ST3GAL1: variants seen among roughly 807,000 people sequenced by gnomAD.
The protein encoded by ST3GAL1 is ST3 beta-galactoside alpha-2,3-sialyltransferase 1.
In ST3GAL1, 16 loss-of-function variants were observed where a neutral mutation model predicts 34.1. The observed-to-expected ratio is 0.47, with a 90% CI of 0.32 to 0.71. The LOEUF is 0.71. ST3GAL1 is among the 30% of genes least tolerant of loss of function. ST3GAL1 has a pLI of 0.04. For synonymous variants in ST3GAL1, 191 were observed against 184.7 expected (o/e 1.03, Z -0.28); for missense variants, 353 against 447.4 (o/e 0.79, Z 1.90).
intron 7 of ST3GAL1, among the ~76,000 whole-genome samples, 154 bp downstream of exon 7, chr8:133,464,624 G>C (rs938979348): frequency 2.6e-5 from 4 of 152,106 alleles, no homozygotes; most frequent in Admixed American, 1.3e-4. Context: ...AGTAGTCGGG[G>C]AGGCGGCCAC....
chr8:133,523,093 T>C (rs1339602578), intron 2 of ST3GAL1, among the ~76,000 whole-genome samples: 2 of 152,170 alleles, frequency 1.3e-5, no homozygotes, highest in African/African-American at 4.8e-5. Context: ...CTGCGCTCTG[T>C]CACTCCCACC....
At chr8:133,485,714 A>G (rs1816561644) in intron 3 of ST3GAL1, among the ~76,000 whole-genome samples, 1 of 152,138 alleles carries the variant, frequency 6.6e-6, no homozygotes. Context: ...ACCCCGGAGT[A>G]GGTGTTCTTC....
At chr8:133,520,062 C>T (rs1329505181) in intron 2 of ST3GAL1, among the ~76,000 whole-genome samples, 1 of 152,226 alleles carries the variant, frequency 6.6e-6, no homozygotes, top group Admixed American at 6.5e-5. Flanking sequence ...ATCTTCCCCA[C>T]TCATCATTCT....
chr8:133,455,380 T>C lies in ST3GAL1; in HGVS notation c.*4384A>G, dbSNP rs534358703. The stretch of plus-strand genomic sequence containing the variant: ...TCAGTGCTCTTTTGGTAAGAAAAAA[T>C]AGTCGGTAATGCCCTGATCCTGACA... On this transcript the variant is annotated 3_prime_UTR_variant, in exon 10 of 10. Coordinates refer to ENST00000522652, the MANE Select transcript of ST3GAL1 (RefSeq NM_173344.3). 1 of 152,222 alleles carries C rather than the reference T, an allele frequency of 6.6e-6. No individual in the cohort carries two copies. The highest frequency in any genetic ancestry group is 2.4e-5 in the African/African-American group (1 of 41,504). 9.4% of individuals were successfully genotyped at this position (152,222 alleles called of 1,614,324 possible).
rs901335304 is a variant in ST3GAL1 at position 133,486,967 on chromosome 8, G to A, written c.-373-10367C>T. On this transcript the variant is annotated intron_variant, in intron 3 of 9. Transcript: ENST00000522652. ...TTTCTTACTTCTTTTTTATTGAGACGGAGTCTCGCTCTGTTGCCCAGGCTG... is the reference window on the plus strand; with the variant it reads ...TTTCTTACTTCTTTTTTATTGAGACAGAGTCTCGCTCTGTTGCCCAGGCTG... Among the ~76,000 whole-genome samples, 8 of 152,108 alleles carry A rather than the reference G, an allele frequency of 5.3e-5. No homozygotes were observed. In the East Asian group the frequency reaches 7.7e-4, roughly 15 times the overall value.
At chr8:133,480,164 C>T (rs1204743568) in intron 3 of ST3GAL1, among the ~76,000 whole-genome samples, 1 of 152,200 alleles carries the variant, frequency 6.6e-6, no homozygotes, top group Non-Finnish European at 1.5e-5. Context: ...ATTTCCCAGC[C>T]ACATGCTCAA....
intron 2 of ST3GAL1, among the ~76,000 whole-genome samples, chr8:133,527,901 G>T (rs1029862931): frequency 3.3e-5 from 5 of 152,104 alleles, no homozygotes; most frequent in African/African-American, 9.7e-5. Context: ...TGGGCTGGGC[G>T]TGGTGGCTCA....
chr8:133,532,650 G>A (rs77588135), intron 2 of ST3GAL1, among the ~76,000 whole-genome samples: 1,783 of 152,228 alleles, frequency 0.012, 29 homozygotes, highest in African/African-American at 0.038. Context: ...GCTCATCCTC[G>A]AGAGCAAAAA....
At chr8:133,524,496 C>T (rs1375469521) in intron 2 of ST3GAL1, among the ~76,000 whole-genome samples, 3 of 152,378 alleles carry the variant, frequency 2.0e-5, no homozygotes, top group South Asian at 2.1e-4. Flanking sequence ...CTGAGTATTG[C>T]TCATGCCTGC....
rs1186206506 is a variant in ST3GAL1, at chr8:133,571,269, G to C, written c.-582+424C>G. Among the ~76,000 whole-genome samples the C allele has an allele frequency of 6.6e-6, 1 of 152,284 alleles. No homozygotes were observed. The highest frequency in any genetic ancestry group is 1.9e-4 in the East Asian group (1 of 5,152). ...CCACCCAGCGAGGTCTCCTCCCACG[G>C]GCGGCCCCAGCGGAGGAGATCCCAG... On this transcript the variant is annotated intron_variant, in intron 1 of 9. Transcript: ENST00000522652. The surrounding 1 kb of genome is among the most constrained non-coding windows in gnomAD (Gnocchi z 6.7).
In ST3GAL1 at chr8:133,524,404, A is replaced by C. The variant is rs7817938; in HGVS notation, c.-429+21370T>G. ...GCCCCAGGTGAGACCAGCATTTTGC[A>C]GGTGAGCAGATCCTGATGTCACAGG... is the stretch of plus-strand genomic sequence containing the variant. On this transcript the variant is annotated intron_variant, in intron 2 of 9. Transcript: ENST00000522652. Among the ~76,000 whole-genome samples, 355 of 152,334 alleles carry C rather than the reference A, an allele frequency of 2.3e-3. 2 individuals are homozygous for C. Among genetic ancestry groups the C allele is most frequent in the African/African-American group, 8.1e-3 (338 of 41,576 alleles).
chr8:133,495,576 G>A (rs923568027), intron 3 of ST3GAL1, among the ~76,000 whole-genome samples: 1 of 152,154 alleles, frequency 6.6e-6, no homozygotes, highest in African/African-American at 2.4e-5. Flanking sequence ...CATCTTGCTG[G>A]GTAGACAAAG....
At chr8:133,496,972 C>T (rs3802258) in intron 3 of ST3GAL1, among the ~76,000 whole-genome samples, 17,442 of 152,222 alleles carry the variant, frequency 0.11, 1,497 homozygotes, top group East Asian at 0.5. Context: ...CTTCTCAGCA[C>T]GTCTCTTCCA....
intron 2 of ST3GAL1, among the ~76,000 whole-genome samples, chr8:133,499,647 C>T (rs1458387119): frequency 6.6e-6 from 1 of 152,122 alleles, no homozygotes; most frequent in Non-Finnish European, 1.5e-5. Context: ...TTTTCTGGGA[C>T]CTGCTGTGTG....
intron 2 of ST3GAL1, among the ~76,000 whole-genome samples, chr8:133,531,332 G>T (rs1818146259): frequency 6.6e-6 from 1 of 152,136 alleles, no homozygotes; most frequent in African/African-American, 2.4e-5. Context: ...TATATAGTAT[G>T]TATGTGATAT....
intron 2 of ST3GAL1, among the ~76,000 whole-genome samples, chr8:133,540,668 C>CT (rs1164652367): frequency 2.7e-5 from 4 of 149,864 alleles, no homozygotes; most frequent in South Asian, 2.1e-4. Flanking sequence ...ATGCCCTGCC[C>CT]TGGGACCCCC....
chr8:133,461,179 T>C lies in ST3GAL1; in HGVS notation c.849+696A>G, dbSNP rs189484419. Among the ~76,000 whole-genome samples, 2 of 152,094 alleles carry C rather than the reference T, an allele frequency of 1.3e-5. No individual in the cohort carries two copies. ...CAATGCCTCTGACCCTTTCTGAGAT[T>C]CCCACCAGGCACCAGGCAGGGTGGG... On this transcript the variant is annotated intron_variant, in intron 9 of 9. Transcript: ENST00000522652. The surrounding 1 kb of genome is among the most constrained non-coding windows in gnomAD (Gnocchi z 4.7).
intron 2 of ST3GAL1, among the ~76,000 whole-genome samples, chr8:133,539,478 G>C (rs1818404669): frequency 6.6e-6 from 1 of 152,184 alleles, no homozygotes. Flanking sequence ...TTATTTCAAA[G>C]TCATAACTTT....
intron 3 of ST3GAL1, among the ~76,000 whole-genome samples, chr8:133,491,723 C>CCCT (rs1816791567): frequency 6.6e-6 from 1 of 152,190 alleles, no homozygotes; most frequent in African/African-American, 2.4e-5. Flanking sequence ...GCATGCAGCA[C>CCCT]CCTCCAGGGT....
Sources: allele counts gnomAD v4.1 joint callset (sites outside exome capture counted in the v4.1 genomes callset), GRCh38; gene constraint gnomAD v4.1.1; non-coding constraint Gnocchi (gnomAD v3.1); transcripts MANE v1.5; gene names NCBI Gene and HGNC (gene_info 2026-07-23, HGNC 2026-07-21).